TRDMT1: variants seen among roughly 807,000 people sequenced by gnomAD.
TRDMT1 encodes tRNA (cytosine(38)-C(5))-methyltransferase.
In TRDMT1, 49 loss-of-function variants were observed where a neutral mutation model predicts 51.2. The ratio of observed to expected loss-of-function variants is 0.96; its 90% CI spans 0.76 to 1.21. The LOEUF is 1.21. Ranked by LOEUF, TRDMT1 falls within the 50% of genes most tolerant of loss-of-function variation. TRDMT1 has a pLI of 0.00. For missense variants in TRDMT1, 534 were observed against 462.3 expected (o/e 1.16, Z -1.42); for synonymous variants, 187 against 164.6 (o/e 1.14, Z -1.04).
At chr10:17,196,002 G>A (rs1845373351) in intron 1 of TRDMT1, among the ~76,000 whole-genome samples, 1 of 152,140 alleles carries the variant, frequency 6.6e-6, no homozygotes, top group South Asian at 2.1e-4. Context: ...ATATCCTTAG[G>A]TGACATTCAT....
rs1315879275 is a variant in TRDMT1, at chr10:17,140,946, C to T, written c.*8094G>A. ...AATTCCATGTTAACTACCTGCTCGC[C>T]CTAATAATTGTAAAGAGCTGCATAG... On this transcript the variant is annotated 3_prime_UTR_variant, in exon 11 of 11. Transcript: ENST00000377799. Among the ~76,000 whole-genome samples the T allele has an allele frequency of 6.6e-6, 1 of 152,066 alleles. No individual in the cohort carries two copies. The highest frequency in any genetic ancestry group is 1.5e-5 in the Non-Finnish European group (1 of 68,022).
intron 1 of TRDMT1, among the ~76,000 whole-genome samples, chr10:17,176,552 G>A (rs535913492): frequency 1.1e-3 from 165 of 152,292 alleles, no homozygotes; most frequent in African/African-American, 3.8e-3. Flanking sequence ...TGCACTGTTT[G>A]CATGGATTGA....
At chr10:17,156,712 T>C (rs1399354130) in intron 8 of TRDMT1, among the ~76,000 whole-genome samples, 1 of 152,178 alleles carries the variant, frequency 6.6e-6, no homozygotes, top group East Asian at 1.9e-4. Context: ...GTCCTTTAAG[T>C]ACTGATATGC....
rs1007539771 is a variant in TRDMT1 at position 17,141,555 on chromosome 10, C to G, written c.*7485G>C. 6.6e-6 allele frequency among the ~76,000 whole-genome samples: 1 copy of G among 152,102 alleles called. No individual in the cohort carries two copies. The highest frequency in any genetic ancestry group is 1.5e-5 in the Non-Finnish European group (1 of 68,036). On this transcript the variant is annotated 3_prime_UTR_variant, in exon 11 of 11. Transcript: ENST00000377799. ...ATTTTTTTCCCCTCTACTTCTGGCA[C>G]CCCAAACATATAAATGTTGGTTCTT...
chr10:17,143,138 C>T lies in TRDMT1; in HGVS notation c.*5902G>A. 1 of 985,394 alleles carries T rather than the reference C, an allele frequency of 1.0e-6. No individual in the cohort carries two copies. Among genetic ancestry groups the T allele is most frequent in the Non-Finnish European group, 1.2e-6 (1 of 829,932 alleles). 61.0% of individuals were successfully genotyped at this position (985,394 alleles called of 1,614,324 possible). A position where few individuals can be genotyped will look rare whatever the true frequency, so the allele number is the denominator to read the frequency against. On this transcript the variant is annotated 3_prime_UTR_variant, in exon 11 of 11. Coordinates refer to ENST00000377799, the MANE Select transcript of TRDMT1 (RefSeq NM_004412.7). Reference sequence around the variant, plus strand: ...AGTAACAGACAAATTAAATAGTTTTCAAGAGAACAACTTAAAGACATTGTT... The same window carrying T: ...AGTAACAGACAAATTAAATAGTTTTTAAGAGAACAACTTAAAGACATTGTT...
At chr10:17,183,900 A>C (rs987474698) in intron 1 of TRDMT1, among the ~76,000 whole-genome samples, 4 of 152,224 alleles carry the variant, frequency 2.6e-5, no homozygotes, top group African/African-American at 9.7e-5. Flanking sequence ...GACCTGTCAC[A>C]GGCACATACA....
At chr10:17,156,501 T>C (rs969528479) in intron 8 of TRDMT1, among the ~76,000 whole-genome samples, 5 of 152,036 alleles carry the variant, frequency 3.3e-5, no homozygotes, top group African/African-American at 9.7e-5. Flanking sequence ...TCCCAAAGTG[T>C]TGGGATTACA....
At chr10:17,172,802 A>C (rs913397051) in intron 2 of TRDMT1, among the ~76,000 whole-genome samples, 1 of 152,188 alleles carries the variant, frequency 6.6e-6, no homozygotes, top group African/African-American at 2.4e-5. Context: ...GTTGGTGCCT[A>C]TAACATTCGT....
At position 17,148,960 on chromosome 10, in the gene TRDMT1, T is replaced by G. The variant is rs561534605; in HGVS notation, c.*80A>C. On this transcript the variant is annotated 3_prime_UTR_variant, in exon 11 of 11. Coordinates refer to ENST00000377799, the MANE Select transcript of TRDMT1 (RefSeq NM_004412.7). ...ATAATTTAGTTAAATTTCACCAGAA[T>G]TAGTTCAAAACAGAATTTCAGAATT... 12 of 1,434,478 alleles carry G rather than the reference T, an allele frequency of 8.4e-6. No homozygotes were observed. The African/African-American group carries it at 1.0e-4, about 12-fold the overall frequency. The allele number at this position is 1,434,478 out of a possible 1,614,324, so 88.9% of individuals were successfully genotyped here.
Position 17,149,045 on chromosome 10 carries a change from C to T in TRDMT1, c.1171G>A (p.Glu391Lys). 1 of 1,598,996 alleles carries T rather than the reference C, an allele frequency of 6.3e-7. No homozygotes were observed. Among genetic ancestry groups the T allele is most frequent in the South Asian group, 1.1e-5 (1 of 88,770 alleles). ...CTTTCAGAGTTATTTCAAAATTATTCATATAAGATTTTGATTAGTTTAGCT... is the reference window on the plus strand; with the variant it reads ...CTTTCAGAGTTATTTCAAAATTATTTATATAAGATTTTGATTAGTTTAGCT... ...VVAKLIKILY[E>K] The change falls in exon 11 of 11, where the codon GAA becomes AAA. Residue 391 changes from glutamate to lysine, a missense_variant. By Grantham distance (56) the Glu-to-Lys change is moderately conservative (BLOSUM62 1). Coordinates refer to ENST00000377799, the MANE Select transcript of TRDMT1 (RefSeq NM_004412.7).
chr10:17,182,550 A>G (rs1328463964), intron 1 of TRDMT1, among the ~76,000 whole-genome samples: 1 of 152,238 alleles, frequency 6.6e-6, no homozygotes, highest in African/African-American at 2.4e-5. Flanking sequence ...TTAACCATAC[A>G]TCTACAAAAT....
intron 1 of TRDMT1, among the ~76,000 whole-genome samples, chr10:17,175,159 T>C (rs942174181): frequency 2.0e-5 from 3 of 152,212 alleles, no homozygotes; most frequent in Non-Finnish European, 2.9e-5. Flanking sequence ...GTAATTCACA[T>C]TTGACAAAAT....
intron 1 of TRDMT1, among the ~76,000 whole-genome samples, chr10:17,184,862 T>C (rs951077530): frequency 5.9e-5 from 9 of 152,184 alleles, no homozygotes; most frequent in South Asian, 2.1e-4. Context: ...AGGGACAGTC[T>C]TATGGAATTT....
Position 17,149,286 on chromosome 10 carries a change from T to G in TRDMT1, c.1076-146A>C, listed in dbSNP as rs1055507134. The stretch of plus-strand genomic sequence containing the variant: ...TGAAGTTTTATTAACAAAAGAGAAT[T>G]TGGAGCCAAAAATATTCTATAACAT... On this transcript the variant is annotated intron_variant, in intron 10 of 10. Coordinates refer to ENST00000377799, the MANE Select transcript of TRDMT1 (RefSeq NM_004412.7). 2.2e-5 allele frequency: 14 copies of G among 632,050 alleles called. No individual in the cohort carries two copies. In the Admixed American group the frequency reaches 4.1e-4, roughly 18 times the overall value. The allele number at this position is 632,050 out of a possible 1,614,324, so 39.2% of individuals were successfully genotyped here.
rs1314072371 is a variant in TRDMT1 at position 17,139,898 on chromosome 10, G to C, written c.*9142C>G. ...TGTATGCTTTCTTTATAGTGACTTG[G>C]ACCATATTTGTTACGGAAGTACTGC... On this transcript the variant is annotated 3_prime_UTR_variant, in exon 11 of 11. Coordinates refer to ENST00000377799, the MANE Select transcript of TRDMT1 (RefSeq NM_004412.7). Among the ~76,000 whole-genome samples, 2 of 151,916 alleles carry C rather than the reference G, an allele frequency of 1.3e-5. No homozygotes were observed. The highest frequency in any genetic ancestry group is 4.8e-5 in the African/African-American group (2 of 41,320).
intron 2 of TRDMT1, among the ~76,000 whole-genome samples, chr10:17,173,280 C>G (rs1317415219): frequency 3.3e-5 from 5 of 152,090 alleles, no homozygotes; most frequent in Non-Finnish European, 7.4e-5. Flanking sequence ...CTAGAAACTA[C>G]TTAAATGTCT....
chr10:17,153,009 C>G (rs1838968481), intron 10 of TRDMT1: 1 of 158,342 alleles, frequency 6.3e-6, no homozygotes, highest in Non-Finnish European at 1.4e-5. Flanking sequence ...CCACCTACCC[C>G]TTGTAGGGAA....
chr10:17,167,798 T>C (rs894857527), intron 3 of TRDMT1, among the ~76,000 whole-genome samples: 7 of 152,216 alleles, frequency 4.6e-5, no homozygotes, highest in Admixed American at 2.6e-4. Context: ...ATATTTATTG[T>C]GGAAATTCAC....
intron 1 of TRDMT1, among the ~76,000 whole-genome samples, chr10:17,184,957 C>A (rs183243643): frequency 1.3e-5 from 2 of 152,134 alleles, no homozygotes; most frequent in East Asian, 3.8e-4. Context: ...TCTTTCTCTG[C>A]TAGAATTCTG....
Sources: allele counts gnomAD v4.1 joint callset (sites outside exome capture counted in the v4.1 genomes callset), GRCh38; gene constraint gnomAD v4.1.1; transcripts MANE v1.5; gene names NCBI Gene and HGNC (gene_info 2026-07-23, HGNC 2026-07-21).